Variants in TPRA1 observed in about 807,000 individuals in gnomAD.
TPRA1 encodes transmembrane protein adipocyte-associated 1.
TPRA1 carries 28 observed loss-of-function variants against 40.1 expected under a neutral mutation model. That is an observed-to-expected ratio of 0.70 (90% CI 0.52 to 0.96). TPRA1 has a LOEUF of 0.96. Ranked by LOEUF, TPRA1 falls within the 40% of genes least tolerant of loss-of-function variation. The pLI, the probability that TPRA1 is intolerant of heterozygous loss-of-function variation, is 0.00. For missense variants in TPRA1, 441 were observed against 482.6 expected (o/e 0.91, Z 0.81); for synonymous variants, 219 against 209.7 (o/e 1.04, Z -0.38).
At chr3:127,588,400 A>C (rs2074065312) in intron 1 of TPRA1, among the ~76,000 whole-genome samples, 1 of 151,456 alleles carries the variant, frequency 6.6e-6, no homozygotes, top group African/African-American at 2.4e-5. Flanking sequence ...AAAGCTTAGG[A>C]AATAACTGAA....
rs536064041 is a variant in TPRA1, at chr3:127,579,553, C to A, written c.258+187G>T. 5.3e-5 allele frequency among the ~76,000 whole-genome samples: 8 copies of A among 152,292 alleles called. No homozygotes were observed. The East Asian group carries it at 1.3e-3, about 26-fold the overall frequency. ...AGTTGCTCCTGGCCATCTTTGACAC[C>A]ATATGAGGGGAACTCATCTGAGATA... On this transcript the variant is annotated intron_variant, in intron 3 of 10. Coordinates refer to ENST00000355552, the MANE Select transcript of TPRA1 (RefSeq NM_001136053.4).
Position 127,575,772 on chromosome 3 carries a change from A to G in TPRA1, c.647T>C (p.Leu216Pro), listed in dbSNP as rs752821026. The G allele has an allele frequency of 4.3e-6, 7 of 1,613,642 alleles. No individual in the cohort carries two copies. In the Admixed American group the frequency reaches 1.2e-4, roughly 27 times the overall value. ...ACAAGGCAGGGAGATGCGCTCCTTCAGCGGGGTCTTGGGAAGGATGACCAC... is the reference window on the plus strand; with the variant it reads ...ACAAGGCAGGGAGATGCGCTCCTTCGGCGGGGTCTTGGGAAGGATGACCAC... ...SLVVILPKTP[L>P]KERISLPSRR... Residue 216 changes from leucine to proline, a missense_variant, in exon 8 of 11, where the codon CTG becomes CCG. Coordinates refer to ENST00000355552, the MANE Select transcript of TPRA1 (RefSeq NM_001136053.4).
At position 127,575,054 on chromosome 3, in the gene TPRA1, A is replaced by C. The variant is rs2073541262; in HGVS notation, c.854+131T>G. ...TATCTGTATGTGTGTGCCCAAGTGC[A>C]TGTATGTATGTGCGTGCGCATGCGC... On this transcript the variant is annotated intron_variant, in intron 10 of 10. Transcript: ENST00000355552. 5 of 942,756 alleles carry C rather than the reference A, an allele frequency of 5.3e-6. No homozygotes were observed. The South Asian group carries it at 8.0e-5, about 15-fold the overall frequency. 58.4% of individuals were successfully genotyped at this position (942,756 alleles called of 1,614,324 possible).
Position 127,573,423 on chromosome 3 carries a change from C to A in TPRA1, c.*98G>T. 1 of 1,451,338 alleles carries A rather than the reference C, an allele frequency of 6.9e-7. No homozygotes were observed. Among genetic ancestry groups the A allele is most frequent in the Non-Finnish European group, 9.1e-7 (1 of 1,093,404 alleles). The allele number at this position is 1,451,338 out of a possible 1,614,324, so 89.9% of individuals were successfully genotyped here. A position where few individuals can be genotyped will look rare whatever the true frequency, so the allele number is the denominator to read the frequency against. ...GGAACAGGGCCACACAGGGCTACTG[C>A]CCACAGAACGTCCCTTGACCTGGTC... On this transcript the variant is annotated 3_prime_UTR_variant, in exon 11 of 11. Coordinates refer to ENST00000355552, the MANE Select transcript of TPRA1 (RefSeq NM_001136053.4).
intron 3 of TPRA1, among the ~76,000 whole-genome samples, chr3:127,578,193 TTG>T (rs1484828596): frequency 6.6e-6 from 1 of 152,186 alleles, no homozygotes; most frequent in Non-Finnish European, 1.5e-5. Context: ...CCATGAGAAA[TTG>T]TGTCAGCAGG....
In TPRA1 at chr3:127,576,623, GAC is replaced by G. The variant is rs1559834837; in HGVS notation, c.490_491del (p.Val164HisfsTer11). On this transcript the variant is annotated frameshift_variant, in exon 6 of 11. Coordinates refer to ENST00000355552, the MANE Select transcript of TPRA1 (RefSeq NM_001136053.4). LOFTEE classifies it high-confidence loss of function. This position sits in a 1 kb window ranked among gnomAD's most constrained non-coding sequence, Gnocchi z 4.6. Reference sequence around the variant, plus strand: ...CCCACACTCACCCTCTTACCTGGGTGACAGAGTAGGCCAGGGACAGCACTGTG... The same window carrying G: ...CCCACACTCACCCTCTTACCTGGGTGAGAGTAGGCCAGGGACAGCACTGTG... ...ITTVLSLAYS[V>X]TQGTLEILYP... 1 of 1,605,226 alleles carries G rather than the reference GAC, an allele frequency of 6.2e-7. No homozygotes were observed. The highest frequency in any genetic ancestry group is 8.5e-7 in the Non-Finnish European group (1 of 1,175,842).
At chr3:127,587,738 G>A (rs529435308) in intron 1 of TPRA1, among the ~76,000 whole-genome samples, 3 of 149,216 alleles carry the variant, frequency 2.0e-5, no homozygotes, top group Non-Finnish European at 3.0e-5. Flanking sequence ...GTGCAGTGGC[G>A]CGATGTCGGC....
Position 127,576,857 on chromosome 3 carries a change from T to A in TPRA1, c.382A>T (p.Ile128Phe), listed in dbSNP as rs756719547. 6.2e-7 allele frequency: 1 copy of A among 1,613,818 alleles called. No individual in the cohort carries two copies. The highest frequency in any genetic ancestry group is 8.5e-7 in the Non-Finnish European group (1 of 1,179,988). ...CCCAGGATGATCACACTCAGCTCGA[T>A]GGCCAGCAGGAAGAAGCGGGTGATC... The part of the protein sequence containing the change: ...WEITRFFLLA[I>F]ELSVIILGLA... The change falls in exon 5 of 11, where the codon ATC (isoleucine) becomes TTC (phenylalanine). Residue 128 changes from isoleucine (I) to phenylalanine (F), a missense_variant. Physicochemically the swap from Ile to Phe is conservative, Grantham distance 21 (BLOSUM62 0). Coordinates refer to ENST00000355552, the MANE Select transcript of TPRA1 (RefSeq NM_001136053.4). The surrounding 1 kb of genome is among the most constrained non-coding windows in gnomAD (Gnocchi z 4.6).
Position 127,573,710 on chromosome 3 carries a change from G to T in TPRA1, c.933C>A (p.Pro311=). The part of the protein sequence containing the change: ...TEEPDVHLPQ[P]YAVARREGLE... ...GGCCCTCCCGCCGGGCCACAGCGTA[G>T]GGCTGGGGTAGGTGTACATCTGGCT... The change falls in exon 11 of 11, where the codon CCC becomes CCA. Residue 311 remains proline (P), a synonymous_variant. Coordinates refer to ENST00000355552, the MANE Select transcript of TPRA1 (RefSeq NM_001136053.4). 1 of 1,612,798 alleles carries T rather than the reference G, an allele frequency of 6.2e-7. No individual in the cohort carries two copies.
In TPRA1 at chr3:127,573,755, G is replaced by A. The variant is rs1257100087; in HGVS notation, c.888C>T (p.Cys296=). Residue 296 remains cysteine (C), a synonymous_variant, in exon 11 of 11, where the codon TGC becomes TGT. Coordinates refer to ENST00000355552, the MANE Select transcript of TPRA1 (RefSeq NM_001136053.4). ...CTGGCTCCTCTGTCTCGTCCACTTG[G>A]CATTTGTAGGAGAAGAGGATCTTGG... The part of the protein sequence containing the change: ...SEPKILFSYK[C]QVDETEEPDV... 1.9e-6 allele frequency: 3 copies of A among 1,586,232 alleles called. No individual in the cohort carries two copies. Among genetic ancestry groups the A allele is most frequent in the South Asian group, 2.2e-5 (2 of 89,740 alleles).
At chr3:127,574,723 G>C (rs998109945) in intron 10 of TPRA1, among the ~76,000 whole-genome samples, 8 of 152,228 alleles carry the variant, frequency 5.3e-5, no homozygotes, top group African/African-American at 1.9e-4. Context: ...ACCGTGCATA[G>C]TCACTCTCTC....
At chr3:127,588,488 T>C (rs1220366108) in intron 1 of TPRA1, among the ~76,000 whole-genome samples, 1 of 151,360 alleles carries the variant, frequency 6.6e-6, no homozygotes, top group Non-Finnish European at 1.5e-5. Context: ...TGGTGCGATC[T>C]TGGGTCACTG....
In TPRA1 at chr3:127,575,390, G is replaced by T; in HGVS notation, c.773+13C>A. On this transcript the variant is annotated intron_variant, in intron 9 of 10. Coordinates refer to ENST00000355552, the MANE Select transcript of TPRA1 (RefSeq NM_001136053.4). ...TGCCCCCACGAGGCAGACACCCTGC[G>T]GCCCCCACGCACCAGAGCCCCTCGA... The T allele has an allele frequency of 1.9e-6, 3 of 1,574,138 alleles. No individual in the cohort carries two copies. The highest frequency in any genetic ancestry group is 2.6e-6 in the Non-Finnish European group (3 of 1,159,996).
At chr3:127,575,567 G>T in intron 8 of TPRA1, 62 bp from the exon 9 acceptor site, 1 of 1,472,722 alleles carries the variant, frequency 6.8e-7, no homozygotes, top group Non-Finnish European at 9.1e-7. Flanking sequence ...TCTGCCTCCA[G>T]CACCTACTAC....
chr3:127,579,617 C>T lies in TPRA1; in HGVS notation c.258+123G>A, dbSNP rs751419944. The T allele has an allele frequency of 2.9e-4, 318 of 1,110,460 alleles. 1 individual carries two copies. The Middle Eastern group carries it at 4.2e-3, about 15-fold the overall frequency. 68.8% of individuals were successfully genotyped at this position (1,110,460 alleles called of 1,614,324 possible). On this transcript the variant is annotated intron_variant, in intron 3 of 10. Transcript: ENST00000355552. The stretch of plus-strand genomic sequence containing the variant: ...TCAGAGATGCAGAAACAGATCCTAA[C>T]GATATCATTTAACTGCCTGGATCCA...
At chr3:127,588,212 T>C (rs1179269945) in intron 1 of TPRA1, 1 of 152,288 alleles carries the variant, frequency 6.6e-6, no homozygotes, top group African/African-American at 2.4e-5. Context: ...TCAGACCTGA[T>C]GTGGGAAATA....
chr3:127,578,364 A>C (rs900243763), intron 3 of TPRA1, among the ~76,000 whole-genome samples: 1 of 152,202 alleles, frequency 6.6e-6, no homozygotes, highest in Non-Finnish European at 1.5e-5. Flanking sequence ...CAGAGAGACC[A>C]AGCCACTGGC....
intron 1 of TPRA1, chr3:127,580,409 C>T (rs541027150): frequency 2.2e-6 from 1 of 461,120 alleles, no homozygotes; most frequent in Non-Finnish European, 4.0e-6. Context: ...AAAGCCACCC[C>T]CTCAGCTAAG....
At chr3:127,574,593 A>C (rs2073513861) in intron 10 of TPRA1, among the ~76,000 whole-genome samples, 1 of 152,224 alleles carries the variant, frequency 6.6e-6, no homozygotes, top group South Asian at 2.1e-4. Context: ...CAGGATTTGC[A>C]TCCGCTGTGG....
Sources: allele counts gnomAD v4.1 joint callset (sites outside exome capture counted in the v4.1 genomes callset), GRCh38; gene constraint gnomAD v4.1.1; non-coding constraint Gnocchi (gnomAD v3.1); transcripts MANE v1.5; gene names NCBI Gene and HGNC (gene_info 2026-07-23, HGNC 2026-07-21).